Variants in FEM1C observed in about 807,000 individuals in gnomAD.
FEM1C encodes the protein protein fem-1 homolog C.
FEM1C carries 15 observed loss-of-function variants against 37.6 expected under a neutral mutation model. The observed-to-expected ratio is 0.40, with a 90% CI of 0.27 to 0.61. FEM1C has a LOEUF of 0.61. Ranked by LOEUF, FEM1C falls within the 20% of genes least tolerant of loss-of-function variation. The pLI, the probability that FEM1C is intolerant of heterozygous loss-of-function variation, is 0.42. For synonymous variants in FEM1C, 287 were observed against 272.8 expected (o/e 1.05, Z -0.51); for missense variants, 532 against 749.7 (o/e 0.71, Z 3.39).
chr5:115,540,985 A>C (rs1410993883), intron 2 of FEM1C, among the ~76,000 whole-genome samples: 1 of 152,120 alleles, frequency 6.6e-6, no homozygotes, highest in Non-Finnish European at 1.5e-5. Context: ...AAGAATGATA[A>C]TTGTTTGGAG....
intron 2 of FEM1C, among the ~76,000 whole-genome samples, chr5:115,535,733 C>T (rs556871638): frequency 3.1e-4 from 47 of 152,066 alleles, no homozygotes; most frequent in African/African-American, 1.1e-3. Context: ...CCCAATAATG[C>T]CACTCCTAGG....
Position 115,543,597 on chromosome 5 carries a change from A to T in FEM1C, c.-104T>A. 2 of 1,486,876 alleles carry T rather than the reference A, an allele frequency of 1.3e-6. No individual in the cohort carries two copies. Among genetic ancestry groups the T allele is most frequent in the Non-Finnish European group, 1.8e-6 (2 of 1,128,192 alleles). The allele number at this position is 1,486,876 out of a possible 1,614,324, so 92.1% of individuals were successfully genotyped here. ...GTCACAGGAACCAAAGTCCAATGTT[A>T]ATTGCTGCACCCCAGAACGGATACA... On this transcript the variant is annotated 5_prime_UTR_variant, in exon 2 of 3. The change abolishes the stop of an existing upstream ORF in the 5' untranslated region. Transcript: ENST00000274457.
intron 1 of FEM1C, chr5:115,544,257 A>G: frequency 2.6e-6 from 2 of 779,890 alleles, no homozygotes; most frequent in Non-Finnish European, 3.1e-6. Context: ...CATTTCGATC[A>G]CCCCCCACCC....
Position 115,524,806 on chromosome 5 carries a change from T to C in FEM1C, c.1356A>G (p.Leu452=). 1.9e-6 allele frequency: 3 copies of C among 1,600,814 alleles called. No individual in the cohort carries two copies. The highest frequency in any genetic ancestry group is 1.7e-4 in the Middle Eastern group (1 of 5,952). Residue 452 remains leucine (L), a synonymous_variant, in exon 3 of 3, where the codon TTA becomes TTG. Transcript: ENST00000274457. ...LSIILHLICL[L]EKVPCTLEQD... is the part of the protein sequence containing the mutation. Reference sequence around the variant, plus strand: ...GTTCTAGAGTACAAGGAACTTTCTCTAACAAGCAAATTAAGTGCAAAATAA... The same window carrying C: ...GTTCTAGAGTACAAGGAACTTTCTCCAACAAGCAAATTAAGTGCAAAATAA...
chr5:115,531,387 G>A (rs905585101), intron 2 of FEM1C, among the ~76,000 whole-genome samples: 1 of 152,118 alleles, frequency 6.6e-6, no homozygotes, highest in African/African-American at 2.4e-5. Context: ...CAATGAGGAA[G>A]AAATCTATAG....
chr5:115,537,512 T>C (rs1754153542), intron 2 of FEM1C, among the ~76,000 whole-genome samples: 1 of 151,952 alleles, frequency 6.6e-6, no homozygotes, highest in Non-Finnish European at 1.5e-5. Context: ...TGGACTCAAT[T>C]TGCACACCAT....
Position 115,522,218 on chromosome 5 carries a change from A to C in FEM1C, c.*2090T>G, listed in dbSNP as rs1753791018. 6.6e-6 allele frequency: 1 copy of C among 150,768 alleles called. No homozygotes were observed. Among genetic ancestry groups the C allele is most frequent in the African/African-American group, 2.4e-5 (1 of 41,164 alleles). 9.3% of individuals were successfully genotyped at this position (150,768 alleles called of 1,614,324 possible). A position where few individuals can be genotyped will look rare whatever the true frequency, so the allele number is the denominator to read the frequency against. On this transcript the variant is annotated 3_prime_UTR_variant, in exon 3 of 3. Transcript: ENST00000274457. ...TTATCGAGATCAACTAATGTAATTT[A>C]CTATAATGGCAAAGTTTTCCTTTAT...
intron 2 of FEM1C, among the ~76,000 whole-genome samples, chr5:115,532,449 AC>A (rs1754036196): frequency 6.6e-6 from 1 of 152,068 alleles, no homozygotes; most frequent in Non-Finnish European, 1.5e-5. Context: ...TAAGTGTATA[AC>A]CACCACACTT....
intron 2 of FEM1C, among the ~76,000 whole-genome samples, chr5:115,540,657 G>C (rs139362179): frequency 6.6e-6 from 1 of 152,068 alleles, no homozygotes; most frequent in Non-Finnish European, 1.5e-5. Flanking sequence ...AGAAAATGCT[G>C]AAAAAATCTG....
rs1753871423 is a variant in FEM1C, at chr5:115,525,473, A to C, written c.689T>G (p.Val230Gly). 6.2e-7 allele frequency: 1 copy of C among 1,613,582 alleles called. No homozygotes were observed. The highest frequency in any genetic ancestry group is 1.3e-5 in the African/African-American group (1 of 74,854). The change falls in exon 3 of 3, where the codon GTG becomes GGG. Residue 230 changes from valine (V) to glycine (G), a missense_variant. Val to Gly is a moderately radical substitution (Grantham distance 109). Transcript: ENST00000274457. ...SASVTGHTNI[V>G]DFLTHHAQTS... ...CTGTGCATGGTGTGTCAGAAAATCC[A>C]CAATATTTGTGTGACCAGTCACACT...
chr5:115,531,699 T>G (rs1056845138), intron 2 of FEM1C, among the ~76,000 whole-genome samples: 1 of 152,154 alleles, frequency 6.6e-6, no homozygotes, highest in Non-Finnish European at 1.5e-5. Flanking sequence ...CCAACAAAAC[T>G]TTTACTTTTG....
At chr5:115,531,848 T>C (rs747695868) in intron 2 of FEM1C, among the ~76,000 whole-genome samples, 4 of 152,124 alleles carry the variant, frequency 2.6e-5, no homozygotes, top group Non-Finnish European at 5.9e-5. Flanking sequence ...CCCTGGGCCA[T>C]AGTTTGCCAA....
intron 2 of FEM1C, among the ~76,000 whole-genome samples, chr5:115,528,835 C>A (rs527566606): frequency 2.7e-4 from 41 of 152,136 alleles, no homozygotes; most frequent in Non-Finnish European, 2.1e-4. Flanking sequence ...CTATGCTTAG[C>A]ATATTCGAGG....
chr5:115,529,389 T>G (rs1040137082), intron 2 of FEM1C, among the ~76,000 whole-genome samples: 3 of 151,982 alleles, frequency 2.0e-5, no homozygotes, highest in African/African-American at 7.2e-5. Flanking sequence ...TAAATGATAT[T>G]TAAAAGCACG....
In FEM1C at chr5:115,522,817, A is replaced by T. The variant is rs1168237225; in HGVS notation, c.*1491T>A. 6.6e-6 allele frequency: 1 copy of T among 152,480 alleles called. No individual in the cohort carries two copies. Among genetic ancestry groups the T allele is most frequent in the Non-Finnish European group, 1.5e-5 (1 of 67,914 alleles). 9.4% of individuals were successfully genotyped at this position (152,480 alleles called of 1,614,324 possible). On this transcript the variant is annotated 3_prime_UTR_variant, in exon 3 of 3. Transcript: ENST00000274457. ...ATTTGCAGGGCAAATATGCCATCAT[A>T]AATTTTATTCTGAATTACAATAAAG...
chr5:115,527,561 A>C (rs766944261), intron 2 of FEM1C, among the ~76,000 whole-genome samples: 4 of 152,178 alleles, frequency 2.6e-5, no homozygotes, highest in Non-Finnish European at 5.9e-5. Flanking sequence ...TACACCAAGT[A>C]TATTTTAAAC....
chr5:115,524,866 T>G lies in FEM1C; in HGVS notation c.1296A>C (p.Pro432=), dbSNP rs1753855026. Residue 432 remains proline (P), a synonymous_variant, in exon 3 of 3, where the codon CCA becomes CCC. Coordinates refer to ENST00000274457, the MANE Select transcript of FEM1C (RefSeq NM_020177.3). Reference sequence around the variant, plus strand: ...CCTTATTTAACTGTAATGGGTCAGCTGGACACTGAGTTTGTTTGATAGCTC... The same window carrying G: ...CCTTATTTAACTGTAATGGGTCAGCGGGACACTGAGTTTGTTTGATAGCTC... ...IERAIKQTQC[P]ADPLQLNKAL... The G allele has an allele frequency of 6.2e-7, 1 of 1,613,564 alleles. No homozygotes were observed. The highest frequency in any genetic ancestry group is 8.5e-7 in the Non-Finnish European group (1 of 1,179,800).
chr5:115,531,383 G>C (rs1426844470), intron 2 of FEM1C, among the ~76,000 whole-genome samples: 2 of 152,074 alleles, frequency 1.3e-5, no homozygotes, highest in Non-Finnish European at 2.9e-5. Context: ...AGAGCAATGA[G>C]GAAGAAATCT....
chr5:115,541,225 T>C (rs985694180), intron 2 of FEM1C, among the ~76,000 whole-genome samples: 1 of 152,156 alleles, frequency 6.6e-6, no homozygotes, highest in East Asian at 1.9e-4. Flanking sequence ...AAACAGGTTA[T>C]AGAACAGCAT....
Sources: allele counts gnomAD v4.1 joint callset (sites outside exome capture counted in the v4.1 genomes callset), GRCh38; gene constraint gnomAD v4.1.1; transcripts MANE v1.5; gene names NCBI Gene and HGNC (gene_info 2026-07-23, HGNC 2026-07-21).